Variants in RNF6 observed in about 807,000 individuals in gnomAD.
RNF6 encodes ring finger protein 6.
A neutral mutation model predicts 50.1 loss-of-function variants in RNF6; 21 were observed. The ratio of observed to expected loss-of-function variants is 0.42; its 90% confidence interval spans 0.30 to 0.60. The LOEUF is 0.60. Among genes scored for constraint, RNF6 ranks in the 20% least tolerant of loss-of-function variants. The pLI, the probability that RNF6 is intolerant of heterozygous loss-of-function variation, is 0.20. For missense variants in RNF6, 698 were observed against 838.2 expected, an observed-to-expected ratio of 0.83 and a Z score of 2.07; for synonymous variants, 255 against 291.8, an observed-to-expected ratio of 0.87 and a Z score of 1.29.
chr13:26,172,776 C>G (rs1872762044), intron 5 of RNF6, among the ~76,000 whole-genome samples: 1 of 152,108 alleles, frequency 6.6e-6, no homozygotes, highest in South Asian at 2.1e-4. Context: ...ATCTCCTGAC[C>G]TCGTGATCCG....
chr13:26,184,018 A>ATTTTTTTTT (rs1169961717), intron 5 of RNF6, among the ~76,000 whole-genome samples: 1 of 33,942 alleles, frequency 2.9e-5, no homozygotes, highest in African/African-American at 9.3e-5. Context: ...ATATATATAT[A>ATTTTTTTTT]TTTTTTTTTT....
intron 5 of RNF6, among the ~76,000 whole-genome samples, chr13:26,186,245 C>T (rs537119198): frequency 5.9e-5 from 9 of 152,328 alleles, no homozygotes; most frequent in Admixed American, 3.3e-4. Flanking sequence ...TGAAAGCAAG[C>T]GATCAAAACA....
intron 5 of RNF6, among the ~76,000 whole-genome samples, chr13:26,184,306 C>A (rs1468303928): frequency 2.0e-5 from 3 of 152,052 alleles, no homozygotes; most frequent in Admixed American, 6.6e-5. Context: ...GCTGGGATTA[C>A]GGGCGTGAGC....
At chr13:26,192,209 A>C (rs1868490020) in intron 5 of RNF6, among the ~76,000 whole-genome samples, 1 of 152,226 alleles carries the variant, frequency 6.6e-6, no homozygotes, top group Non-Finnish European at 1.5e-5. Context: ...TTTTATATTG[A>C]AAATGGGCAA....
intron 5 of RNF6, among the ~76,000 whole-genome samples, chr13:26,152,892 C>A (rs1316837179): frequency 6.6e-6 from 1 of 152,098 alleles, no homozygotes; most frequent in Non-Finnish European, 1.5e-5. Context: ...CGGTGGCTCA[C>A]ACCTGTAATC....
chr13:26,165,441 T>C (rs1872405018), intron 5 of RNF6, among the ~76,000 whole-genome samples: 1 of 152,160 alleles, frequency 6.6e-6, no homozygotes, highest in African/African-American at 2.4e-5. Flanking sequence ...CACTGCCTAG[T>C]GGAGCTGTGA....
At chr13:26,191,413 A>G (rs1464504760) in intron 5 of RNF6, among the ~76,000 whole-genome samples, 1 of 152,212 alleles carries the variant, frequency 6.6e-6, no homozygotes, top group Non-Finnish European at 1.5e-5. Flanking sequence ...CAATTAATAA[A>G]TAAGCAGTTA....
chr13:26,182,205 A>C (rs1873275233), intron 5 of RNF6, among the ~76,000 whole-genome samples: 1 of 152,236 alleles, frequency 6.6e-6, no homozygotes, highest in South Asian at 2.1e-4. Flanking sequence ...TTATTACATA[A>C]AGCAAATAGC....
chr13:26,200,485 C>T (rs972427811), intron 5 of RNF6, among the ~76,000 whole-genome samples: 1 of 150,606 alleles, frequency 6.6e-6, no homozygotes. Context: ...TCTAGGCTCA[C>T]TGCAACCTCC....
intron 4 of RNF6, among the ~76,000 whole-genome samples, chr13:26,216,711 T>C (rs911130152): frequency 3.3e-5 from 5 of 152,156 alleles, no homozygotes; most frequent in Admixed American, 2.0e-4. Flanking sequence ...TCCCAGCACT[T>C]TGGGAGGCCA....
chr13:26,178,436 C>A (rs1873067863), intron 5 of RNF6, among the ~76,000 whole-genome samples: 1 of 150,890 alleles, frequency 6.6e-6, no homozygotes. Flanking sequence ...ATCCCCATGA[C>A]CTAAACACCT....
chr13:26,191,654 G>C (rs1188197605), intron 5 of RNF6, among the ~76,000 whole-genome samples: 1 of 152,190 alleles, frequency 6.6e-6, no homozygotes, highest in African/African-American at 2.4e-5. Context: ...GAAGGCGCTT[G>C]CTTCCCTGTC....
chr13:26,161,286 T>C (rs776959498), intron 5 of RNF6, among the ~76,000 whole-genome samples: 59 of 152,346 alleles, frequency 3.9e-4, no homozygotes, highest in Admixed American at 5.9e-4. Context: ...TCTTTTATAA[T>C]ATTTTTAAAA....
chr13:26,150,235 A>T (rs1302198731), intron 5 of RNF6, among the ~76,000 whole-genome samples: 1 of 152,040 alleles, frequency 6.6e-6, no homozygotes, highest in African/African-American at 2.4e-5. Context: ...AAAGCTTCTG[A>T]TCAAGTTTTA....
At chr13:26,149,340 C>T (rs1211334467) in intron 5 of RNF6, 3 of 152,304 alleles carry the variant, frequency 2.0e-5, no homozygotes, top group South Asian at 2.1e-4. Context: ...GTAATCCCAA[C>T]ATTTTGGGAG....
At chr13:26,160,584 A>G (rs1184866650) in intron 5 of RNF6, among the ~76,000 whole-genome samples, 1 of 134,114 alleles carries the variant, frequency 7.5e-6, no homozygotes, top group Admixed American at 8.6e-5. Flanking sequence ...TCAACAATTC[A>G]TGTAAACACT....
chr13:26,165,498 C>G (rs1335100886), intron 5 of RNF6, among the ~76,000 whole-genome samples: 1 of 152,190 alleles, frequency 6.6e-6, no homozygotes, highest in East Asian at 1.9e-4. Flanking sequence ...GATCCACTGA[C>G]AGCTTGCACT....
At chr13:26,182,055 C>T (rs1401165121) in intron 5 of RNF6, among the ~76,000 whole-genome samples, 8 of 152,148 alleles carry the variant, frequency 5.3e-5, no homozygotes, top group Non-Finnish European at 8.8e-5. Context: ...TTTTTTAAGG[C>T]TTATTTTATA....
intron 5 of RNF6, among the ~76,000 whole-genome samples, chr13:26,206,892 T>A (rs1482436188): frequency 6.6e-6 from 1 of 150,944 alleles, no homozygotes; most frequent in Admixed American, 6.7e-5. Flanking sequence ...TCGACACTTT[T>A]CCCTTCATGG....
Sources: allele counts gnomAD v4.1 joint callset (sites outside exome capture counted in the v4.1 genomes callset), GRCh38; gene constraint gnomAD v4.1.1; transcripts MANE v1.5; gene names NCBI Gene and HGNC (gene_info 2026-07-23, HGNC 2026-07-21).